Variants in CDH18 observed in about 807,000 individuals in gnomAD.
CDH18 encodes cadherin 18, also known as cadherin-18.
In CDH18, 31 loss-of-function variants were observed where a neutral mutation model predicts 67.9. That is an observed-to-expected ratio of 0.46 (90% CI 0.34 to 0.62). CDH18 has a LOEUF of 0.62. CDH18 is among the 20% of genes least tolerant of loss of function. The pLI, the probability that CDH18 is intolerant of heterozygous loss-of-function variation, is 0.01. For synonymous variants in CDH18, 362 were observed against 347.2 expected (o/e 1.04, Z -0.48); for missense variants, 890 against 975.5 (o/e 0.91, Z 1.17).
In CDH18 at chr5:20,421,074, C is replaced by T. The variant is rs552670456; in HGVS notation, c.-580+154388G>A. On this transcript the variant is annotated intron_variant, in intron 1 of 14. Transcript: ENST00000507958. ...ATCTTTAAATCCTTTTTGATTTTTT[C>T]CCTATTTATCACAAAACCTGAAGTT... Among the ~76,000 whole-genome samples the T allele has an allele frequency of 6.3e-4, 95 of 150,840 alleles. 5 individuals carry two copies. The highest frequency in any genetic ancestry group is 6.8e-3 in the Middle Eastern group (2 of 294).
chr5:20,510,227 T>C (rs191942992), intron 1 of CDH18, among the ~76,000 whole-genome samples: 40 of 152,306 alleles, frequency 2.6e-4, no homozygotes, highest in African/African-American at 8.7e-4. Flanking sequence ...TTGCCTGTTT[T>C]CTCGATTGGG....
intron 1 of CDH18, among the ~76,000 whole-genome samples, chr5:20,277,920 G>A (rs1293080117): frequency 6.6e-6 from 1 of 152,114 alleles, no homozygotes; most frequent in Non-Finnish European, 1.5e-5. Context: ...TCATGCAGAA[G>A]AAAGAATAAG....
At chr5:19,979,442 G>A (rs1253173851) in intron 2 of CDH18, among the ~76,000 whole-genome samples, 1 of 152,016 alleles carries the variant, frequency 6.6e-6, no homozygotes, top group Non-Finnish European at 1.5e-5. Context: ...GCACTTAAAA[G>A]TCTGGGCATA....
At chr5:20,153,906 A>C (rs1388013623) in intron 2 of CDH18, among the ~76,000 whole-genome samples, 1 of 152,198 alleles carries the variant, frequency 6.6e-6, no homozygotes, top group Non-Finnish European at 1.5e-5. Flanking sequence ...TGGTGGTAGG[A>C]GGAAACCAGT....
chr5:20,105,817 T>C (rs763418880), intron 2 of CDH18, among the ~76,000 whole-genome samples: 1 of 152,218 alleles, frequency 6.6e-6, no homozygotes, highest in Non-Finnish European at 1.5e-5. Context: ...CCTTTATCTG[T>C]TGATGAACAG....
At chr5:19,551,459 C>G (rs1029283379) in intron 8 of CDH18, among the ~76,000 whole-genome samples, 1 of 152,102 alleles carries the variant, frequency 6.6e-6, no homozygotes, top group Non-Finnish European at 1.5e-5. Flanking sequence ...AGCTGTATCA[C>G]TTAGCATTGT....
intron 2 of CDH18, among the ~76,000 whole-genome samples, chr5:20,161,945 T>C (rs1207576717): frequency 6.6e-6 from 1 of 152,206 alleles, no homozygotes; most frequent in Non-Finnish European, 1.5e-5. Context: ...TCAGTGATTT[T>C]TTTTTTCTTT....
chr5:20,570,512 A>G (rs932504579), intron 1 of CDH18, among the ~76,000 whole-genome samples: 4 of 152,200 alleles, frequency 2.6e-5, no homozygotes, highest in African/African-American at 9.6e-5. Flanking sequence ...CCTATGAGTG[A>G]CATTAGTATA....
At chr5:20,399,354 T>C (rs1308113449) in intron 1 of CDH18, among the ~76,000 whole-genome samples, 3 of 151,966 alleles carry the variant, frequency 2.0e-5, no homozygotes, top group African/African-American at 7.2e-5. Context: ...GAGAGAGAAG[T>C]TGGAAACAAC....
At chr5:20,150,742 T>C (rs1751031805) in intron 2 of CDH18, among the ~76,000 whole-genome samples, 1 of 152,086 alleles carries the variant, frequency 6.6e-6, no homozygotes, top group Non-Finnish European at 1.5e-5. Flanking sequence ...CCATTATGTT[T>C]TTCTATGGAG....
chr5:19,834,024 C>T (rs1397532059), intron 3 of CDH18, among the ~76,000 whole-genome samples: 5 of 151,826 alleles, frequency 3.3e-5, no homozygotes, highest in East Asian at 1.9e-4. Flanking sequence ...AGGATGATGC[C>T]GGCTTCATAA....
intron 2 of CDH18, among the ~76,000 whole-genome samples, chr5:19,975,450 T>C (rs934111407): frequency 1.3e-5 from 2 of 152,138 alleles, no homozygotes; most frequent in Non-Finnish European, 2.9e-5. Flanking sequence ...AGGAGGATTG[T>C]GTACTACCAA....
chr5:20,413,317 G>GTATA (rs1271075294), intron 1 of CDH18, among the ~76,000 whole-genome samples: 9 of 152,162 alleles, frequency 5.9e-5, no homozygotes, highest in African/African-American at 2.2e-4. Context: ...AATCATTTGG[G>GTATA]TATATACCCA....
At chr5:19,915,496 A>G (rs781109044) in intron 2 of CDH18, among the ~76,000 whole-genome samples, 8 of 152,106 alleles carry the variant, frequency 5.3e-5, no homozygotes, top group Non-Finnish European at 8.8e-5. Context: ...ACATTTTCGA[A>G]CAGCCTACTG....
rs551669501 is a variant in CDH18 at position 20,126,402 on chromosome 5, G to A, written c.-518+129042C>T. 4.3e-4 allele frequency among the ~76,000 whole-genome samples: 65 copies of A among 152,190 alleles called. 3 individuals are homozygous for A. In the South Asian group the frequency reaches 0.011, roughly 26 times the overall value. ...AAAAAGGCTTCATGAAGTTTGTCTTGGAAAAGATTTCTTGGATTATCTGAA... is the reference window on the plus strand; with the variant it reads ...AAAAAGGCTTCATGAAGTTTGTCTTAGAAAAGATTTCTTGGATTATCTGAA... On this transcript the variant is annotated intron_variant, in intron 2 of 14. Coordinates refer to the CDH18 transcript ENST00000507958.
intron 12 of CDH18, among the ~76,000 whole-genome samples, chr5:19,480,667 C>T (rs978881724): frequency 3.9e-5 from 6 of 152,152 alleles, no homozygotes; most frequent in South Asian, 2.1e-4. Context: ...TGAGCCACCG[C>T]GCCCGGCCAT....
intron 1 of CDH18, among the ~76,000 whole-genome samples, chr5:20,439,310 G>T (rs1749423165): frequency 6.6e-6 from 1 of 151,620 alleles, no homozygotes. Context: ...AAGTTTGGTG[G>T]ATTCCTGCAC....
rs544906135 is a variant in CDH18, at chr5:20,108,245, A to AATTTTATTTT, written c.-517-116241_-517-116232dup. ...CAGGCATGTGCCACCACGCCCGGCT[A>AATTTTATTTT]ATTTTATTTTATTTTTTTTTATTTT... is the stretch of plus-strand genomic sequence containing the variant. On this transcript the variant is annotated intron_variant, in intron 2 of 14. Transcript: ENST00000507958. Among the ~76,000 whole-genome samples the AATTTTATTTT allele has an allele frequency of 8.7e-3, 1,322 of 151,464 alleles. 25 individuals carry two copies. The highest frequency in any genetic ancestry group is 0.03 in the African/African-American group (1,239 of 41,058).
intron 8 of CDH18, among the ~76,000 whole-genome samples, chr5:19,566,474 C>T (rs958989485): frequency 6.6e-6 from 1 of 152,212 alleles, no homozygotes; most frequent in African/African-American, 2.4e-5. Context: ...AATGGATTCA[C>T]ACGTGGCTGG....
Sources: allele counts gnomAD v4.1 joint callset (sites outside exome capture counted in the v4.1 genomes callset), GRCh38; gene constraint gnomAD v4.1.1; transcripts MANE v1.5; gene names NCBI Gene and HGNC (gene_info 2026-07-23, HGNC 2026-07-21).